KATNAL2: variants seen among roughly 807,000 people sequenced by gnomAD.
The protein encoded by KATNAL2 is katanin p60 ATPase-containing subunit A-like 2.
Under a neutral mutation model 76.3 loss-of-function variants are expected in KATNAL2, and 52 were observed. The ratio of observed to expected loss-of-function variants is 0.68; its 90% CI spans 0.55 to 0.86. The LOEUF is 0.86. Among genes scored for constraint, KATNAL2 ranks in the 40% least tolerant of loss-of-function variants. The pLI is 0.00. For missense variants in KATNAL2, 660 were observed against 668.9 expected (o/e 0.99, Z 0.15); for synonymous variants, 243 against 244.2 (o/e 1.00, Z 0.05).
chr18:47,033,173 TG>T (rs768793295), intron 3 of KATNAL2: 3 of 1,614,098 alleles, frequency 1.9e-6, no homozygotes, highest in Non-Finnish European at 2.5e-6. Flanking sequence ...ATGCTGCTGC[TG>T]CTGTCTCTGC....
intron 16 of KATNAL2, among the ~76,000 whole-genome samples, chr18:47,100,030 C>T (rs1019098597): frequency 3.3e-5 from 5 of 152,116 alleles, no homozygotes; most frequent in South Asian, 2.1e-4. Flanking sequence ...CAGCATATTT[C>T]GATGGTGTTA....
At chr18:46,950,079 A>G (rs2059505089) in intron 3 of KATNAL2, among the ~76,000 whole-genome samples, 1 of 152,176 alleles carries the variant, frequency 6.6e-6, no homozygotes, top group African/African-American at 2.4e-5. Flanking sequence ...CTCCAGCCAC[A>G]TTCTCCCTAA....
In KATNAL2 at chr18:47,095,686, A is replaced by G. The variant is rs973621335; in HGVS notation, c.1212-3557A>G. ...TGGAACATCCTTGGGTATGAAGGAT[A>G]ACATATTTTTGTGGCTTATATGCAG... On this transcript the variant is annotated intron_variant, in intron 15 of 17. Transcript: ENST00000683218. Among the ~76,000 whole-genome samples, 7 of 152,376 alleles carry G rather than the reference A, an allele frequency of 4.6e-5. No individual in the cohort carries two copies. The South Asian group carries it at 1.4e-3, about 32-fold the overall frequency.
At chr18:46,932,910 G>A (rs369822472) in intron 1 of KATNAL2, among the ~76,000 whole-genome samples, 14 of 151,638 alleles carry the variant, frequency 9.2e-5, no homozygotes, top group South Asian at 4.2e-4. Context: ...GATTACAGGC[G>A]CGCTACCATG....
intron 1 of KATNAL2, among the ~76,000 whole-genome samples, chr18:46,941,650 C>T (rs979928940): frequency 1.3e-4 from 20 of 152,050 alleles, no homozygotes; most frequent in African/African-American, 4.6e-4. Context: ...GTAGTTGGGA[C>T]TATAGGTGTG....
chr18:47,034,130 G>A, intron 3 of KATNAL2: 2 of 1,614,204 alleles, frequency 1.2e-6, no homozygotes, highest in East Asian at 2.2e-5. Flanking sequence ...GACAGAGTGG[G>A]CTGCTCGAAT....
At chr18:47,057,568 C>T (rs1319571069) in intron 6 of KATNAL2, among the ~76,000 whole-genome samples, 1 of 152,214 alleles carries the variant, frequency 6.6e-6, no homozygotes, top group Non-Finnish European at 1.5e-5. Context: ...CTCCCCATCT[C>T]CATCAGAGTT....
chr18:47,085,214 T>C (rs1425481563), intron 15 of KATNAL2, among the ~76,000 whole-genome samples: 1 of 152,190 alleles, frequency 6.6e-6, no homozygotes, highest in African/African-American at 2.4e-5. Context: ...TGGTCTTCAT[T>C]TTTGCAAAAT....
rs1040146995 is a variant in KATNAL2 at position 47,058,334 on chromosome 18, T to A, written c.432T>A (p.Asn144Lys). Residue 144 changes from asparagine to lysine, a missense_variant, in exon 7 of 18, where the codon AAT (asparagine) becomes AAA (lysine). Transcript: ENST00000683218. Reference protein sequence around the residue: ...AGKTGDTKSLNKEHPNQEVVD... With the variant: ...AGKTGDTKSLKKEHPNQEVVD... ...AGACAGGGGACACCAAATCGCTCAA[T>A]AAGGAGCATCCTAATCAGGTCAGGA... The A allele has an allele frequency of 2.5e-6, 4 of 1,612,018 alleles. No homozygotes were observed. In the African/African-American group the frequency reaches 5.3e-5, roughly 22 times the overall value.
At chr18:46,942,996 A>G (rs942659525) in intron 1 of KATNAL2, among the ~76,000 whole-genome samples, 14 of 152,216 alleles carry the variant, frequency 9.2e-5, no homozygotes, top group East Asian at 5.8e-4. Context: ...GTTTGTTTTA[A>G]ACCTTGTCAG....
chr18:47,095,411 TGA>T (rs35045713), intron 15 of KATNAL2, among the ~76,000 whole-genome samples: 4,001 of 152,264 alleles, frequency 0.026, 59 homozygotes, highest in Non-Finnish European at 0.041. Flanking sequence ...GCTGTTCTCA[TGA>T]GATCTCACTG....
In KATNAL2 at chr18:47,099,225, T is replaced by C. The variant is rs750406343; in HGVS notation, c.1212-18T>C. The C allele has an allele frequency of 3.1e-6, 5 of 1,598,992 alleles. No individual in the cohort carries two copies. In the South Asian group the frequency reaches 5.6e-5, roughly 18 times the overall value. ...GTGTTTGCAGCCCTGTCCAGCTCCA[T>C]TTCTGGTGTGATTTCAGGGAGCTGG... On this transcript the variant is annotated intron_variant, in intron 15 of 17. Transcript: ENST00000683218.
intron 15 of KATNAL2, among the ~76,000 whole-genome samples, chr18:47,095,737 C>A (rs2063205148): frequency 6.6e-6 from 1 of 152,160 alleles, no homozygotes; most frequent in Non-Finnish European, 1.5e-5. Context: ...TATTGAACAA[C>A]TGGTGTGGTG....
At chr18:46,945,685 C>A (rs1168285718) in intron 1 of KATNAL2, among the ~76,000 whole-genome samples, 1 of 152,144 alleles carries the variant, frequency 6.6e-6, no homozygotes, top group Non-Finnish European at 1.5e-5. Flanking sequence ...CAAATTGGGG[C>A]ATTAATAACT....
intron 3 of KATNAL2, chr18:47,032,929 T>C (rs1442430668): frequency 5.0e-6 from 8 of 1,610,288 alleles, no homozygotes; most frequent in Non-Finnish European, 6.8e-6. Context: ...ATTGGAAGTT[T>C]CGTTCCCCAA....
chr18:47,046,424 T>C, intron 3 of KATNAL2, 33 bp from the exon 4 acceptor site: 1 of 1,456,590 alleles, frequency 6.9e-7, no homozygotes. Flanking sequence ...TTATTTTTTG[T>C]TGTCATCCTA....
rs56961953 is a variant in KATNAL2 at position 47,087,725 on chromosome 18, TGTAA to T, written c.1211+10267_1211+10270del. On this transcript the variant is annotated intron_variant, in intron 15 of 17. Coordinates refer to ENST00000683218, the MANE Select transcript of KATNAL2 (RefSeq NM_001387690.1). ...CCTGTAACTATACCATGGAAAATGA[TGTAA>T]GTCTCTCCAAACTCTTTTACATCTG... Among the ~76,000 whole-genome samples, 850 of 151,526 alleles carry T rather than the reference TGTAA, an allele frequency of 5.6e-3. 9 individuals are homozygous for T. The highest frequency in any genetic ancestry group is 0.02 in the African/African-American group (809 of 41,234).
At chr18:47,037,803 GTC>G (rs2060830273) in intron 3 of KATNAL2, among the ~76,000 whole-genome samples, 1 of 151,710 alleles carries the variant, frequency 6.6e-6, no homozygotes, top group African/African-American at 2.4e-5. Flanking sequence ...TTAAGACCTG[GTC>G]ACCACAAGTA....
chr18:47,035,274 G>C, intron 3 of KATNAL2: 1 of 1,612,528 alleles, frequency 6.2e-7, no homozygotes, highest in Non-Finnish European at 8.5e-7. Context: ...TCTCACCAGA[G>C]CTGTGCAGGC....
Sources: gnomAD v4.1 joint callset for allele counts (sites outside exome capture counted in the v4.1 genomes callset) on GRCh38, gnomAD v4.1.1 for gene constraint, MANE v1.5 for transcripts, NCBI Gene and HGNC (gene_info 2026-07-23, HGNC 2026-07-21) for gene names.